Variants in JPH3 observed in about 807,000 individuals in gnomAD.
The protein encoded by JPH3 is junctophilin-3.
Under a neutral mutation model 59.6 loss-of-function variants are expected in JPH3, and 11 were observed. The ratio of observed to expected loss-of-function variants is 0.18; its 90% CI spans 0.12 to 0.31. JPH3 has a LOEUF of 0.31. Among genes scored for constraint, JPH3 ranks in the 10% least tolerant of loss-of-function variants. The probability of loss-of-function intolerance (pLI) is 1.00; values close to 1 mark genes in which losing one functional copy is unlikely to be tolerated. For synonymous variants in JPH3, 673 were observed against 483.6 expected, an observed-to-expected ratio of 1.39 and a Z score of -5.14; for missense variants, 1,202 against 1,105.7, an observed-to-expected ratio of 1.09 and a Z score of -1.24.
rs572741404 is a variant in JPH3, at chr16:87,664,111, C to T, written c.1160+19076C>T. Among the ~76,000 whole-genome samples the T allele has an allele frequency of 2.0e-5, 3 of 149,202 alleles. No individual in the cohort carries two copies. The South Asian group carries it at 6.4e-4, about 32-fold the overall frequency. On this transcript the variant is annotated intron_variant, in intron 2 of 4. Coordinates refer to ENST00000284262, the MANE Select transcript of JPH3 (RefSeq NM_020655.4). The stretch of plus-strand genomic sequence containing the variant: ...CTTTGGGAGGCCGAGGCGGGTGGAT[C>T]ACGAGGTCAGCAGATTGATAGCATC...
At chr16:87,652,701 G>A (rs935521775) in intron 2 of JPH3, among the ~76,000 whole-genome samples, 4 of 152,266 alleles carry the variant, frequency 2.6e-5, no homozygotes, top group Admixed American at 2.6e-4. Flanking sequence ...TGGCCACCTA[G>A]ATGATGGTGC....
At chr16:87,604,314 GCTGCTGCTGCTGCTGT>G (rs2030414850) in intron 1 of JPH3, 1 of 1,466,882 alleles carries the variant, frequency 6.8e-7, no homozygotes, top group African/African-American at 1.4e-5. Flanking sequence ...TGCTGCTGCT[GCTGCTGCTGCTGCTGT>G]AAGATGGTTT....
At chr16:87,624,165 CAT>C (rs886155738) in intron 1 of JPH3, among the ~76,000 whole-genome samples, 8 of 152,216 alleles carry the variant, frequency 5.3e-5, no homozygotes, top group African/African-American at 1.9e-4. Context: ...GCTTTGCTGA[CAT>C]ATGTTTCACA....
chr16:87,645,441 G>T (rs2032114985), intron 2 of JPH3, among the ~76,000 whole-genome samples: 1 of 152,236 alleles, frequency 6.6e-6, no homozygotes, highest in Non-Finnish European at 1.5e-5. Context: ...CAGCACTGCA[G>T]GGCTGTGGGA....
At chr16:87,632,516 C>T (rs969898181) in intron 1 of JPH3, among the ~76,000 whole-genome samples, 2 of 152,134 alleles carry the variant, frequency 1.3e-5, no homozygotes, top group Admixed American at 6.5e-5. Context: ...GCACGATCAC[C>T]GCAGCCTCAA....
chr16:87,624,948 C>T (rs1489294667), intron 1 of JPH3, among the ~76,000 whole-genome samples: 2 of 152,156 alleles, frequency 1.3e-5, no homozygotes, highest in African/African-American at 4.8e-5. Context: ...TATAGGCATG[C>T]GCCACCATGC....
Position 87,618,021 on chromosome 16 carries a change from G to A in JPH3, c.382+14493G>A, listed in dbSNP as rs529797359. Among the ~76,000 whole-genome samples, 4 of 152,150 alleles carry A rather than the reference G, an allele frequency of 2.6e-5. No homozygotes were observed. In the East Asian group the frequency reaches 7.7e-4, roughly 29 times the overall value. On this transcript the variant is annotated intron_variant, in intron 1 of 4. Coordinates refer to ENST00000284262, the MANE Select transcript of JPH3 (RefSeq NM_020655.4). The stretch of plus-strand genomic sequence containing the variant: ...CTACAGAAAATACAAAAATTAGCTG[G>A]GGCATGGCAGCCTGCGCCTGCAGTC...
rs1391206941 is a variant in JPH3, at chr16:87,690,039, G to A, written c.1679G>A (p.Gly560Asp). 2 of 1,553,634 alleles carry A rather than the reference G, an allele frequency of 1.3e-6. No individual in the cohort carries two copies. Among genetic ancestry groups the A allele is most frequent in the South Asian group, 2.4e-5 (2 of 84,566 alleles). Residue 560 changes from glycine (G) to aspartate (D), a missense_variant, in exon 4 of 5, where the codon GGT becomes GAT. Transcript: ENST00000284262. ...CTCGTGGATGACTTCCGCACCCGAG[G>A]TTCGGGCCGCAAGCAGCCCGGGAAC... ...GLLVDDFRTR[G>D]SGRKQPGNPK...
intron 1 of JPH3, among the ~76,000 whole-genome samples, chr16:87,621,930 C>G (rs1077302): frequency 0.32 from 48,562 of 151,998 alleles, 8,071 homozygotes; most frequent in African/African-American, 0.37. Flanking sequence ...GCCGCCCCTC[C>G]CCTTAGTCGA....
intron 4 of JPH3, chr16:87,693,552 G>GT (rs2033670112): frequency 6.6e-6 from 1 of 152,278 alleles, no homozygotes; most frequent in Non-Finnish European, 1.5e-5. Flanking sequence ...GCACACGCCT[G>GT]TAATTCCAGC....
intron 2 of JPH3, among the ~76,000 whole-genome samples, chr16:87,676,667 G>A (rs540788817): frequency 7.2e-5 from 11 of 151,846 alleles, no homozygotes; most frequent in Non-Finnish European, 1.3e-4. Context: ...CTGGGAGGCG[G>A]AGCTCGCAGT....
intron 1 of JPH3, among the ~76,000 whole-genome samples, chr16:87,612,638 C>G (rs367820447): frequency 1.8e-4 from 27 of 152,248 alleles, no homozygotes; most frequent in African/African-American, 6.5e-4. Flanking sequence ...CTGGTCACAG[C>G]AAGCAGGGCC....
At chr16:87,695,563 TCTGGAAGCAGA>T (rs2033797026) in intron 4 of JPH3, 2 of 455,126 alleles carry the variant, frequency 4.4e-6, no homozygotes, top group African/African-American at 2.0e-5. Context: ...GCAAGTGTCC[TCTGGAAGCAGA>T]CTGTGGGCAA....
chr16:87,656,579 T>G (rs894987379), intron 2 of JPH3, among the ~76,000 whole-genome samples: 5 of 152,182 alleles, frequency 3.3e-5, no homozygotes, highest in Non-Finnish European at 2.9e-5. Context: ...GGCAACACCC[T>G]GAATAAATGA....
chr16:87,618,826 C>T (rs766543190), intron 1 of JPH3, among the ~76,000 whole-genome samples: 1 of 152,156 alleles, frequency 6.6e-6, no homozygotes, highest in Non-Finnish European at 1.5e-5. Flanking sequence ...GCAGTGCTCA[C>T]ACCTGTAATT....
chr16:87,633,274 T>A (rs559008397), intron 1 of JPH3, among the ~76,000 whole-genome samples: 105 of 151,812 alleles, frequency 6.9e-4, no homozygotes, highest in Admixed American at 3.1e-3. Context: ...CCAGGCCTAT[T>A]GGATGAGGAC....
intron 1 of JPH3, among the ~76,000 whole-genome samples, chr16:87,639,867 A>G (rs1029333926): frequency 2.0e-5 from 3 of 152,224 alleles, no homozygotes; most frequent in Admixed American, 1.3e-4. Context: ...GCTGAGGAAT[A>G]TTCCACTGCA....
chr16:87,658,039 C>T (rs2032565767), intron 2 of JPH3, among the ~76,000 whole-genome samples: 2 of 152,150 alleles, frequency 1.3e-5, no homozygotes, highest in African/African-American at 4.8e-5. Context: ...GGACTGGGGG[C>T]CCACACCCTG....
chr16:87,635,375 GA>G (rs1351508828), intron 1 of JPH3, among the ~76,000 whole-genome samples: 1 of 152,162 alleles, frequency 6.6e-6, no homozygotes, highest in Admixed American at 6.5e-5. Context: ...TTCAGAGGAG[GA>G]AAAGAAACAA....
Sources: allele counts gnomAD v4.1 joint callset (sites outside exome capture counted in the v4.1 genomes callset), GRCh38; gene constraint gnomAD v4.1.1; transcripts MANE v1.5; gene names NCBI Gene and HGNC (gene_info 2026-07-23, HGNC 2026-07-21).